RAPGEF4: variants seen among roughly 807,000 people sequenced by gnomAD.
RAPGEF4 encodes RAP guanine-nucleotide-exchange factor (GEF) 4.
In RAPGEF4, 66 loss-of-function variants were observed where a neutral mutation model predicts 147.9. The observed-to-expected ratio is 0.45, with a 90% CI of 0.37 to 0.55. The LOEUF is 0.55. Among genes scored for constraint, RAPGEF4 ranks in the 20% least tolerant of loss-of-function variants. The pLI is 0.00. For synonymous variants in RAPGEF4, 419 were observed against 442.7 expected (o/e 0.95, Z 0.67); for missense variants, 1,071 against 1,257.3 (o/e 0.85, Z 2.24).
chr2:172,897,387 G>A (rs115063842), intron 4 of RAPGEF4, among the ~76,000 whole-genome samples: 133 of 151,832 alleles, frequency 8.8e-4, no homozygotes, highest in Non-Finnish European at 1.6e-3. Flanking sequence ...GGTTTTTGGG[G>A]TTTTTTAAAA....
chr2:173,037,324 G>A (rs371109283), intron 29 of RAPGEF4, among the ~76,000 whole-genome samples: 6 of 152,072 alleles, frequency 3.9e-5, no homozygotes, highest in African/African-American at 1.2e-4. Context: ...GGGCTCAAGC[G>A]CTCTTCCTGC....
intron 23 of RAPGEF4, among the ~76,000 whole-genome samples, chr2:173,023,436 C>A (rs900354436): frequency 6.6e-6 from 1 of 152,168 alleles, no homozygotes; most frequent in African/African-American, 2.4e-5. Context: ...GGGCTATGTA[C>A]AAGAAAATGG....
At chr2:172,806,434 G>A (rs1186765053) in intron 3 of RAPGEF4, among the ~76,000 whole-genome samples, 1 of 152,232 alleles carries the variant, frequency 6.6e-6, no homozygotes, top group Non-Finnish European at 1.5e-5. Context: ...GGTATGCACA[G>A]TTAGCTTACT....
At chr2:172,812,009 A>T (rs2194719) in intron 3 of RAPGEF4, among the ~76,000 whole-genome samples, 12,224 of 152,172 alleles carry the variant, frequency 0.08, 644 homozygotes, top group East Asian at 0.23. Context: ...AATTATCCCA[A>T]TGCCCAACCA....
intron 27 of RAPGEF4, among the ~76,000 whole-genome samples, chr2:173,034,499 C>T (rs1486800175): frequency 2.6e-5 from 4 of 152,000 alleles, no homozygotes. Context: ...TCCCCTTGGC[C>T]CCTGTATGCA....
rs1686517432 is a variant in RAPGEF4 at position 172,797,671 on chromosome 2, CTA to C, written c.297+60_297+61del. 4 of 1,306,730 alleles carry C rather than the reference CTA, an allele frequency of 3.1e-6. No individual in the cohort carries two copies. In the Admixed American group the frequency reaches 5.9e-5, roughly 19 times the overall value. The allele number at this position is 1,306,730 out of a possible 1,614,324, so 80.9% of individuals were successfully genotyped here. A position where few individuals can be genotyped will look rare whatever the true frequency, so the allele number is the denominator to read the frequency against. ...TATTTTTTTTAAAGACTTATTATCC[CTA>C]TGTCTTTTATGCCATTAAAATTACA... On this transcript the variant is annotated intron_variant, in intron 3 of 30. Coordinates refer to ENST00000397081, the MANE Select transcript of RAPGEF4 (RefSeq NM_007023.4).
intron 23 of RAPGEF4, 138 bp from the exon 24 acceptor site, chr2:173,026,434 T>C: frequency 1.1e-6 from 1 of 883,700 alleles, no homozygotes; most frequent in Non-Finnish European, 1.6e-6. Context: ...AGCAGAGGCA[T>C]CTCTCCTCAG....
intron 6 of RAPGEF4, among the ~76,000 whole-genome samples, chr2:172,952,004 T>C (rs548491376): frequency 6.6e-6 from 1 of 152,284 alleles, no homozygotes; most frequent in South Asian, 2.1e-4. Flanking sequence ...ATGTAGCTAA[T>C]GAAATTTAGG....
rs1174092699 is a variant in RAPGEF4 at position 172,957,353 on chromosome 2, T to C, written c.538-3407T>C. On this transcript the variant is annotated intron_variant, in intron 6 of 30. Coordinates refer to ENST00000397081, the MANE Select transcript of RAPGEF4 (RefSeq NM_007023.4). ...AAGGTAAAATTCTCAAAAGAAACTT[T>C]ACTTGAAAACCAAGGGAAACCAAAA... is the stretch of plus-strand genomic sequence containing the variant. Among the ~76,000 whole-genome samples, 3 of 152,354 alleles carry C rather than the reference T, an allele frequency of 2.0e-5. No individual in the cohort carries two copies. The East Asian group carries it at 5.8e-4, about 29-fold the overall frequency.
intron 17 of RAPGEF4, among the ~76,000 whole-genome samples, chr2:173,002,826 G>C (rs1049180596): frequency 3.9e-5 from 6 of 152,030 alleles, no homozygotes; most frequent in African/African-American, 1.4e-4. Context: ...CCTGGAAACT[G>C]TTTTACCGAG....
At chr2:173,035,197 A>C (rs1274592448) in intron 27 of RAPGEF4, among the ~76,000 whole-genome samples, 1 of 151,532 alleles carries the variant, frequency 6.6e-6, no homozygotes, top group East Asian at 2.0e-4. Context: ...CTCCCAAATA[A>C]TTTTTTATTT....
At chr2:172,975,646 G>C (rs193133602) in intron 10 of RAPGEF4, among the ~76,000 whole-genome samples, 1 of 152,214 alleles carries the variant, frequency 6.6e-6, no homozygotes, top group East Asian at 1.9e-4. Context: ...CACAAAATAT[G>C]GATAATCTAT....
intron 1 of RAPGEF4, among the ~76,000 whole-genome samples, chr2:172,750,485 C>G (rs769255613): frequency 6.6e-6 from 1 of 152,022 alleles, no homozygotes; most frequent in African/African-American, 2.4e-5. Flanking sequence ...GGAAACTGCT[C>G]CCATGATTCA....
At chr2:172,887,408 C>T (rs1697364009) in intron 4 of RAPGEF4, among the ~76,000 whole-genome samples, 1 of 152,140 alleles carries the variant, frequency 6.6e-6, no homozygotes, top group South Asian at 2.1e-4. Flanking sequence ...CCTATAGGAA[C>T]TTCTCTAATC....
chr2:172,775,368 G>A (rs1304957082), intron 1 of RAPGEF4, among the ~76,000 whole-genome samples: 5 of 152,108 alleles, frequency 3.3e-5, no homozygotes, highest in Non-Finnish European at 7.4e-5. Flanking sequence ...CTATACACTA[G>A]CCTACCTGGC....
At chr2:172,965,284 C>T (rs74468203) in intron 8 of RAPGEF4, 11,829 of 402,416 alleles carry the variant, frequency 0.029, 218 homozygotes, top group Middle Eastern at 0.037. Flanking sequence ...ACAATCTCCC[C>T]CTCTAGCGGC....
chr2:172,872,155 G>A (rs758642911), intron 4 of RAPGEF4, among the ~76,000 whole-genome samples: 1 of 152,060 alleles, frequency 6.6e-6, no homozygotes, highest in Non-Finnish European at 1.5e-5. Context: ...TTTCTTTAAG[G>A]TATATATTGT....
chr2:172,763,420 T>C (rs1479857716), intron 1 of RAPGEF4, among the ~76,000 whole-genome samples: 1 of 152,154 alleles, frequency 6.6e-6, no homozygotes. Flanking sequence ...CAGAGGGGTG[T>C]TTAATGTAAT....
At chr2:172,837,821 C>T (rs145599159) in intron 4 of RAPGEF4, among the ~76,000 whole-genome samples, 15 of 152,286 alleles carry the variant, frequency 9.8e-5, no homozygotes, top group African/African-American at 3.1e-4. Flanking sequence ...ACCTTAGCCT[C>T]CCAAAGTGCT....
Sources: gnomAD v4.1 joint callset for allele counts (sites outside exome capture counted in the v4.1 genomes callset) on GRCh38, gnomAD v4.1.1 for gene constraint, MANE v1.5 for transcripts, NCBI Gene and HGNC (gene_info 2026-07-23, HGNC 2026-07-21) for gene names.